SCARB1: variants seen among roughly 807,000 people sequenced by gnomAD.
SCARB1 encodes scavenger receptor class B member 1.
SCARB1 carries 30 observed loss-of-function variants against 57.2 expected under a neutral mutation model. That is an observed-to-expected ratio of 0.52 (90% CI 0.39 to 0.71). The LOEUF is 0.71. Among genes scored for constraint, SCARB1 ranks in the 30% least tolerant of loss-of-function variants. SCARB1 has a pLI of 0.00. For missense variants in SCARB1, 543 were observed against 671.2 expected (o/e 0.81, Z 2.11); for synonymous variants, 249 against 268.3 (o/e 0.93, Z 0.70).
At chr12:124,851,126 T>A (rs1349888941) in intron 1 of SCARB1, among the ~76,000 whole-genome samples, 2 of 152,226 alleles carry the variant, frequency 1.3e-5, no homozygotes, top group Non-Finnish European at 2.9e-5. Context: ...TGCCAGCCAC[T>A]GAGAAAATTC....
At chr12:124,824,764 T>C (rs1461269590) in intron 1 of SCARB1, among the ~76,000 whole-genome samples, 1 of 152,208 alleles carries the variant, frequency 6.6e-6, no homozygotes, top group Non-Finnish European at 1.5e-5. Flanking sequence ...TGTTCAGACA[T>C]GGTGCAGAGC....
chr12:124,824,780 C>G (rs957184260), intron 1 of SCARB1, among the ~76,000 whole-genome samples: 2 of 152,250 alleles, frequency 1.3e-5, no homozygotes, highest in African/African-American at 4.8e-5. Context: ...AGAGCACCAG[C>G]TTCCCAGCTC....
rs1174871255 is a variant in SCARB1 at position 124,797,798 on chromosome 12, GCT to G, written c.1128+2324_1128+2325del. 3.5e-4 allele frequency among the ~76,000 whole-genome samples: 54 copies of G among 152,234 alleles called. 1 individual carries two copies. The highest frequency in any genetic ancestry group is 5.0e-4 in the Non-Finnish European group (34 of 68,044). On this transcript the variant is annotated intron_variant, in intron 8 of 12. Transcript: ENST00000261693. ...CGGGGCCGAGAGGGCCTAGTCAGCG[GCT>G]AAGGAGGCCTGGGAGGACAAAGAAA...
intron 1 of SCARB1, among the ~76,000 whole-genome samples, chr12:124,828,538 C>A (rs1414109740): frequency 6.6e-6 from 1 of 152,228 alleles, no homozygotes; most frequent in African/African-American, 2.4e-5. Flanking sequence ...ATCTGCCCGG[C>A]CCTGTTCAGG....
chr12:124,836,415 G>A (rs1390845322), intron 1 of SCARB1, among the ~76,000 whole-genome samples: 1 of 152,214 alleles, frequency 6.6e-6, no homozygotes, highest in Non-Finnish European at 1.5e-5. Context: ...GTAAACATCT[G>A]CATTACAGAA....
Position 124,778,530 on chromosome 12 carries a change from G to A in SCARB1, c.*57C>T, listed in dbSNP as rs772044242. 1.5e-6 allele frequency: 2 copies of A among 1,372,958 alleles called. No individual in the cohort carries two copies. Among genetic ancestry groups the A allele is most frequent in the South Asian group, 1.8e-5 (1 of 54,958 alleles). 85.0% of individuals were successfully genotyped at this position (1,372,958 alleles called of 1,614,324 possible). ...CCGGGAGAAGCGGGGTGTAGGGGCT[G>A]GGGGGCCGGTCAGGCCCAGCGGCCA... On this transcript the variant is annotated 3_prime_UTR_variant, in exon 13 of 13. Coordinates refer to ENST00000261693, the MANE Select transcript of SCARB1 (RefSeq NM_005505.5).
chr12:124,793,685 T>C lies in SCARB1; in HGVS notation c.1202+1510A>G, dbSNP rs191075876. 6.1e-3 allele frequency among the ~76,000 whole-genome samples: 670 copies of C among 110,052 alleles called. 2 individuals carry two copies. The highest frequency in any genetic ancestry group is 0.023 in the African/African-American group (621 of 26,702). 72.2% of individuals were successfully genotyped at this position (110,052 alleles called of 152,430 possible). ...TCCAGCCTGGGCGACAGAGCGAGAC[T>C]CCGTCTCAAAAAAAAAAAAAAAAAA... On this transcript the variant is annotated intron_variant, in intron 9 of 12. Transcript: ENST00000261693.
chr12:124,780,154 A>G (rs1301889339), intron 12 of SCARB1, among the ~76,000 whole-genome samples: 2 of 152,110 alleles, frequency 1.3e-5, no homozygotes, highest in African/African-American at 4.8e-5. Flanking sequence ...ACTGAGGAAC[A>G]TGGACTTGGC....
At chr12:124,783,625 G>A (rs1053250755) in intron 11 of SCARB1, 4 of 151,992 alleles carry the variant, frequency 2.6e-5, no homozygotes, top group Non-Finnish European at 5.9e-5. Context: ...AAATTAGCCA[G>A]GCATGGTGGC....
intron 12 of SCARB1, among the ~76,000 whole-genome samples, chr12:124,780,832 T>C (rs1008909591): frequency 2.0e-5 from 3 of 151,962 alleles, no homozygotes; most frequent in African/African-American, 7.3e-5. Context: ...AAAAGCTCCC[T>C]GCTCTACACT....
intron 11 of SCARB1, 150 bp downstream of exon 11, chr12:124,786,207 G>C (rs1466715551): frequency 6.3e-7 from 1 of 1,596,988 alleles, no homozygotes; most frequent in South Asian, 1.1e-5. Context: ...GCCCCCAGCA[G>C]TGACCGCTCC....
chr12:124,842,493 G>A (rs923638368), intron 1 of SCARB1, among the ~76,000 whole-genome samples: 3 of 152,240 alleles, frequency 2.0e-5, no homozygotes, highest in African/African-American at 7.2e-5. Flanking sequence ...CAGCATCCCA[G>A]TCCCTGTCTC....
At chr12:124,854,601 C>A (rs1043531172) in intron 1 of SCARB1, among the ~76,000 whole-genome samples, 2 of 152,072 alleles carry the variant, frequency 1.3e-5, no homozygotes, top group Non-Finnish European at 2.9e-5. Flanking sequence ...GAGGTGATGG[C>A]GCCTCGGGCG....
At chr12:124,849,279 C>A (rs1214591071) in intron 1 of SCARB1, among the ~76,000 whole-genome samples, 2 of 152,184 alleles carry the variant, frequency 1.3e-5, no homozygotes, top group Non-Finnish European at 2.9e-5. Flanking sequence ...GATTCCAGAT[C>A]AACTCCTCCA....
chr12:124,796,671 C>T lies in SCARB1; in HGVS notation c.1129-1403G>A, dbSNP rs1317015518. Among the ~76,000 whole-genome samples the T allele has an allele frequency of 6.6e-6, 1 of 152,182 alleles. No individual in the cohort carries two copies. Among genetic ancestry groups the T allele is most frequent in the Non-Finnish European group, 1.5e-5 (1 of 68,042 alleles). The stretch of plus-strand genomic sequence containing the variant: ...GCCATAAATGCCTAGGTTATTATCA[C>T]GTACACTATAGGGAAAGGATGTTTT... On this transcript the variant is annotated intron_variant, in intron 8 of 12. Transcript: ENST00000261693. This position sits in a 1 kb window ranked among gnomAD's most constrained non-coding sequence, Gnocchi z 4.0.
At chr12:124,791,483 G>A (rs547457503) in intron 9 of SCARB1, among the ~76,000 whole-genome samples, 4 of 152,220 alleles carry the variant, frequency 2.6e-5, no homozygotes, top group South Asian at 2.1e-4. Context: ...AAAGTGCTTC[G>A]AAAATTACCC....
intron 9 of SCARB1, among the ~76,000 whole-genome samples, chr12:124,788,428 C>T (rs920426216): frequency 2.6e-5 from 4 of 152,204 alleles, no homozygotes; most frequent in African/African-American, 4.8e-5. Context: ...AGAAGCGTTA[C>T]GTGGGATGGC....
At chr12:124,836,315 T>C (rs1040686438) in intron 1 of SCARB1, among the ~76,000 whole-genome samples, 1 of 152,184 alleles carries the variant, frequency 6.6e-6, no homozygotes, top group Admixed American at 6.5e-5. Context: ...GGAGAGCCAC[T>C]GGGCAAAATC....
At chr12:124,852,893 A>G (rs567603801) in intron 1 of SCARB1, among the ~76,000 whole-genome samples, 1 of 152,304 alleles carries the variant, frequency 6.6e-6, no homozygotes, top group East Asian at 1.9e-4. Flanking sequence ...ATACCAAATT[A>G]GCTGGGCATA....
Sources: gnomAD v4.1 joint callset for allele counts (sites outside exome capture counted in the v4.1 genomes callset) on GRCh38, gnomAD v4.1.1 for gene constraint, Gnocchi (gnomAD v3.1) non-coding constraint, MANE v1.5 for transcripts, NCBI Gene and HGNC (gene_info 2026-07-23, HGNC 2026-07-21) for gene names.